Variants in NIN observed in about 807,000 individuals in gnomAD.
NIN encodes the protein glycogen synthase kinase 3 beta-interacting protein.
Under a neutral mutation model 257.6 loss-of-function variants are expected in NIN, and 137 were observed. That is an observed-to-expected ratio of 0.53 (90% confidence interval 0.46 to 0.61). The LOEUF is 0.61. Among genes scored for constraint, NIN ranks in the 20% least tolerant of loss-of-function variants. The pLI is 0.00. For synonymous variants in NIN, 918 were observed against 919.8 expected (o/e 1.00, Z 0.04); for missense variants, 2,439 against 2,501.2 (o/e 0.98, Z 0.53).
chr14:50,800,041 CACACACAA>C (rs1280777085), intron 4 of NIN, among the ~76,000 whole-genome samples: 1 of 118,510 alleles, frequency 8.4e-6, no homozygotes, highest in African/African-American at 2.9e-5. Flanking sequence ...CACACACACA[CACACACAA>C]CTCCCAAGTA....
At position 50,789,728 on chromosome 14, in the gene NIN, C is replaced by T. The variant is rs117408938; in HGVS notation, c.435+2984G>A. ...GGCCACTCTAGAACAGGCAAGATCA[C>T]TGGGTCTCCTAAGAGACCTGCACAG... On this transcript the variant is annotated intron_variant, in intron 5 of 30. Coordinates refer to ENST00000530997, the MANE Select transcript of NIN (RefSeq NM_020921.4). 3.8e-3 allele frequency among the ~76,000 whole-genome samples: 585 copies of T among 152,330 alleles called. 2 individuals are homozygous for T. Among genetic ancestry groups the T allele is most frequent in the Non-Finnish European group, 6.0e-3 (408 of 68,028 alleles).
Position 50,809,049 on chromosome 14 carries a change from C to T in NIN, c.184-2231G>A, listed in dbSNP as rs932206411. Among the ~76,000 whole-genome samples the T allele has an allele frequency of 7.9e-5, 12 of 152,048 alleles. 1 individual carries two copies. Among genetic ancestry groups the T allele is most frequent in the African/African-American group, 2.4e-4 (10 of 41,404 alleles). Reference sequence around the variant, plus strand: ...CCGCCTGGCCAACATGGTGAAACCCCGTCTCCACTAAAAATACAAAAATTA... The same window carrying T: ...CCGCCTGGCCAACATGGTGAAACCCTGTCTCCACTAAAAATACAAAAATTA... On this transcript the variant is annotated intron_variant, in intron 3 of 30. Transcript: ENST00000530997.
chr14:50,760,437 CTT>C lies in NIN; in HGVS notation c.1897-80_1897-79del, dbSNP rs35995624. 85,373 of 407,730 alleles carry C rather than the reference CTT, an allele frequency of 0.21. 2,745 individuals are homozygous for C. Among genetic ancestry groups the C allele is most frequent in the Non-Finnish European group, 0.22 (53,967 of 241,292 alleles). The allele number at this position is 407,730 out of a possible 1,614,324, so 25.3% of individuals were successfully genotyped here. On this transcript the variant is annotated intron_variant, in intron 16 of 30. Coordinates refer to ENST00000530997, the MANE Select transcript of NIN (RefSeq NM_020921.4). ...AAGTGAAGTGATGGAGCAGCAATTG[CTT>C]TTTTTTTTTTTTTTTTTTTCCCTAC...
intron 14 of NIN, 98 bp downstream of exon 14, chr14:50,766,209 T>C (rs1405149617): frequency 3.5e-6 from 3 of 845,076 alleles, no homozygotes; most frequent in South Asian, 1.4e-5. Context: ...TACCCACAGA[T>C]GAAGTGACTT....
chr14:50,803,616 G>C (rs993519782), intron 4 of NIN, among the ~76,000 whole-genome samples: 1 of 152,188 alleles, frequency 6.6e-6, no homozygotes, highest in Admixed American at 6.5e-5. Flanking sequence ...TGGTGATACA[G>C]TGTAAGCCCC....
intron 5 of NIN, among the ~76,000 whole-genome samples, chr14:50,791,538 A>G (rs1197731560): frequency 1.3e-5 from 2 of 151,576 alleles, no homozygotes; most frequent in African/African-American, 4.9e-5. Context: ...GTGGTGAAGG[A>G]CAAGTGTCAT....
In NIN at chr14:50,757,666, G is replaced by C. The variant is rs759003591; in HGVS notation, c.3364C>G (p.Gln1122Glu). The stretch of plus-strand genomic sequence containing the variant: ...TTTTGCTGTAAAAACTGCTCTGTTT[G>C]TTCCGCAGTATTTCCAAAAAACTCA... ...ATEFFGNTAE[Q>E]TEQFLQQNRT... Residue 1122 changes from glutamine (Q) to glutamate (E), a missense_variant, in exon 18 of 31, where the codon CAA becomes GAA. By Grantham distance (29) the Gln-to-Glu change is conservative. Around this residue, in one of 3 missense-constraint regions of NIN, gnomAD observed 2,043 missense variants for 2,050.2 expected, o/e 1.00. Transcript: ENST00000530997. 6.2e-7 allele frequency: 1 copy of C among 1,614,124 alleles called. No individual in the cohort carries two copies. The highest frequency in any genetic ancestry group is 1.7e-5 in the Admixed American group (1 of 60,002).
Position 50,779,544 on chromosome 14 carries a change from G to A in NIN, c.436-740C>T, listed in dbSNP as rs562998987. Among the ~76,000 whole-genome samples, 1,033 of 152,258 alleles carry A rather than the reference G, an allele frequency of 6.8e-3. 8 individuals carry two copies. Among genetic ancestry groups the A allele is most frequent in the Non-Finnish European group, 0.013 (870 of 68,010 alleles). The stretch of plus-strand genomic sequence containing the variant: ...GAGGCCGAGGTGGGCGGATCACGAG[G>A]TCAGGAGATCGAGACCATCCTGGCC... On this transcript the variant is annotated intron_variant, in intron 5 of 30. Coordinates refer to ENST00000530997, the MANE Select transcript of NIN (RefSeq NM_020921.4).
chr14:50,812,310 T>C (rs1007861764), intron 3 of NIN, among the ~76,000 whole-genome samples: 2 of 152,222 alleles, frequency 1.3e-5, no homozygotes, highest in African/African-American at 4.8e-5. Context: ...ACCAGGACTC[T>C]GACTGGACTC....
chr14:50,774,474 C>T (rs1416916810), intron 7 of NIN, among the ~76,000 whole-genome samples: 1 of 152,138 alleles, frequency 6.6e-6, no homozygotes, highest in Non-Finnish European at 1.5e-5. Flanking sequence ...AGAGTGGAAA[C>T]GTTTGCAAGA....
intron 4 of NIN, chr14:50,794,504 T>C (rs1296810178): frequency 2.0e-6 from 2 of 997,388 alleles, no homozygotes; most frequent in Admixed American, 6.0e-5. Context: ...AGCTACTTGT[T>C]GGCAGCTGAC....
In NIN at chr14:50,792,731, G is replaced by A. The variant is rs1202554301; in HGVS notation, c.416C>T (p.Pro139Leu). Residue 139 changes from proline to leucine, a missense_variant, in exon 5 of 31, where the codon CCA becomes CTA. Physicochemically the swap from Pro to Leu is moderately conservative, Grantham distance 98. Transcript: ENST00000530997. Reference protein sequence around the residue: ...LDEEARPSHIPAGDCSEHWKT... With the variant: ...LDEEARPSHILAGDCSEHWKT... ...CCTTACCTCACTGCAGTCACCGGCT[G>A]GGATGTGTGAAGGCCGCGCTTCTTC... 4.3e-6 allele frequency: 7 copies of A among 1,614,000 alleles called. No homozygotes were observed. In the African/African-American group the frequency reaches 5.3e-5, roughly 12 times the overall value.
chr14:50,732,736 G>GTT (rs572015870), intron 28 of NIN, among the ~76,000 whole-genome samples: 6 of 151,000 alleles, frequency 4.0e-5, no homozygotes, highest in African/African-American at 1.2e-4. Context: ...TGTTTTTTGG[G>GTT]TTTTTTTTTG....
intron 3 of NIN, among the ~76,000 whole-genome samples, chr14:50,817,944 G>A (rs981721241): frequency 1.3e-5 from 2 of 151,900 alleles, no homozygotes; most frequent in African/African-American, 4.8e-5. Flanking sequence ...TCGAATTCCT[G>A]AGCTCCGGCA....
chr14:50,787,947 T>C (rs2043414907), intron 5 of NIN, among the ~76,000 whole-genome samples: 1 of 152,006 alleles, frequency 6.6e-6, no homozygotes. Flanking sequence ...CAGGAAAGAA[T>C]CAAAGTGTCT....
Position 50,756,855 on chromosome 14 carries a change from T to C in NIN, c.4175A>G (p.Gln1392Arg), listed in dbSNP as rs2042048686. ...GAGCTGTGTGTTCCCCTCAAGGTAC[T>C]GGTTTTCTTGCTTACATTCCTCTAT... Reference protein sequence around the residue: ...HVIEECKQENQYLEGNTQLLE... With the variant: ...HVIEECKQENRYLEGNTQLLE... Residue 1392 changes from glutamine to arginine, a missense_variant, in exon 18 of 31, where the codon CAG becomes CGG. By Grantham distance (43) the Gln-to-Arg change is conservative. Around this residue, in one of 3 missense-constraint regions of NIN, gnomAD observed 2,043 missense variants for 2,050.2 expected, o/e 1.00. Coordinates refer to ENST00000530997, the MANE Select transcript of NIN (RefSeq NM_020921.4). The C allele has an allele frequency of 6.4e-7, 1 of 1,552,158 alleles. No homozygotes were observed. The highest frequency in any genetic ancestry group is 2.0e-5 in the Admixed American group (1 of 51,050).
intron 12 of NIN, among the ~76,000 whole-genome samples, chr14:50,768,505 T>C (rs975606069): frequency 6.6e-6 from 1 of 151,162 alleles, no homozygotes; most frequent in African/African-American, 2.4e-5. Context: ...GTAAATGTAA[T>C]GGGAATGAAA....
chr14:50,784,439 G>A (rs7146139), intron 5 of NIN, among the ~76,000 whole-genome samples: 124,364 of 152,150 alleles, frequency 0.82, 54,904 homozygotes, highest in East Asian at 1. Flanking sequence ...ATAACAACAC[G>A]TACCTCTGAT....
At chr14:50,725,648 A>T (rs1357070057) in intron 30 of NIN, among the ~76,000 whole-genome samples, 1 of 152,014 alleles carries the variant, frequency 6.6e-6, no homozygotes, top group African/African-American at 2.4e-5. Flanking sequence ...CTTTAGGTCT[A>T]TGTGAATCAA....
Sources: gnomAD v4.1 joint callset for allele counts (sites outside exome capture counted in the v4.1 genomes callset) on GRCh38, gnomAD v4.1.1 for gene constraint, gnomAD v4.1.1 regional missense constraint, MANE v1.5 for transcripts, NCBI Gene and HGNC (gene_info 2026-07-23, HGNC 2026-07-21) for gene names.